PTK2: variants seen among roughly 807,000 people sequenced by gnomAD.
PTK2 encodes protein tyrosine kinase 2.
A neutral mutation model predicts 150.1 loss-of-function variants in PTK2; 45 were observed. That is an observed-to-expected ratio of 0.30 (90% CI 0.24 to 0.38). PTK2 has a LOEUF of 0.38. Among genes scored for constraint, PTK2 ranks in the 10% least tolerant of loss-of-function variants. The pLI is 1.00. For missense variants in PTK2, 919 were observed against 1,307.3 expected (o/e 0.70, Z 4.58); for synonymous variants, 432 against 449.2 (o/e 0.96, Z 0.48).
At chr8:140,697,854 T>G (rs2100027742) in intron 26 of PTK2, among the ~76,000 whole-genome samples, 4 of 9,362 alleles carry the variant, frequency 4.3e-4, no homozygotes, top group African/African-American at 1.1e-3. Flanking sequence ...GGTTTACTGT[T>G]TTTTTTTTTT....
chr8:140,675,472 C>G, exon 28 of PTK2: 1 of 1,612,506 alleles, frequency 6.2e-7, no homozygotes, highest in Non-Finnish European at 8.5e-7. Flanking sequence ...GGTTTACCCA[C>G]AGGCTGATAT....
intron 1 of PTK2, among the ~76,000 whole-genome samples, chr8:140,961,986 G>T (rs1452128520): frequency 6.6e-6 from 1 of 152,104 alleles, no homozygotes; most frequent in East Asian, 1.9e-4. Flanking sequence ...TGGTGTGGTG[G>T]CTCATGCCTG....
At chr8:140,755,481 T>G (rs2154529222) in intron 16 of PTK2, among the ~76,000 whole-genome samples, 1 of 152,322 alleles carries the variant, frequency 6.6e-6, no homozygotes, top group East Asian at 1.9e-4. Flanking sequence ...TCATGGCCTT[T>G]GCACTGGCTG....
intron 26 of PTK2, among the ~76,000 whole-genome samples, chr8:140,691,130 C>A (rs1442540022): frequency 1.3e-5 from 2 of 151,304 alleles, no homozygotes; most frequent in African/African-American, 2.4e-5. Context: ...GTATACAAAT[C>A]TTTGACTAAG....
intron 5 of PTK2, among the ~76,000 whole-genome samples, chr8:140,860,836 C>G (rs896963665): frequency 6.6e-6 from 1 of 152,166 alleles, no homozygotes; most frequent in African/African-American, 2.4e-5. Flanking sequence ...CCTTTAACTT[C>G]CTCCAATTAC....
At chr8:140,833,785 T>C (rs577351443) in intron 7 of PTK2, among the ~76,000 whole-genome samples, 10 of 152,326 alleles carry the variant, frequency 6.6e-5, no homozygotes, top group Admixed American at 6.5e-4. Flanking sequence ...TAAATGCATT[T>C]AAACTCATGT....
At chr8:140,659,414 G>A in exon 32 of PTK2, 1 of 1,503,368 alleles carries the variant, frequency 6.7e-7, no homozygotes, top group Non-Finnish European at 9.1e-7. Context: ...GCTGGTGGAA[G>A]GCTAGAGAAC....
intron 22 of PTK2, among the ~76,000 whole-genome samples, chr8:140,730,230 C>T (rs1329558599): frequency 6.6e-6 from 1 of 152,148 alleles, no homozygotes; most frequent in Non-Finnish European, 1.5e-5. Context: ...CTTACTATAT[C>T]CTCTCTACTT....
intron 10 of PTK2, among the ~76,000 whole-genome samples, chr8:140,815,574 A>T (rs992723273): frequency 2.7e-5 from 4 of 146,168 alleles, no homozygotes; most frequent in Admixed American, 6.7e-5. Context: ...AAGTTTTTTT[A>T]AAAAAAAATC....
At chr8:140,741,881 G>C (rs1312259121) in intron 20 of PTK2, among the ~76,000 whole-genome samples, 2 of 152,160 alleles carry the variant, frequency 1.3e-5, no homozygotes, top group African/African-American at 4.8e-5. Flanking sequence ...GTTCATGCCT[G>C]AAATCCCAGC....
At chr8:140,854,533 A>G (rs928317939) in intron 5 of PTK2, among the ~76,000 whole-genome samples, 25 of 152,234 alleles carry the variant, frequency 1.6e-4, no homozygotes, top group Admixed American at 1.3e-3. Context: ...CTCATGAGTC[A>G]TTAGCTTTAT....
At chr8:140,786,732 G>A (rs757658115) in intron 14 of PTK2, among the ~76,000 whole-genome samples, 3 of 152,022 alleles carry the variant, frequency 2.0e-5, no homozygotes, top group South Asian at 4.1e-4. Context: ...ACAGGACTCC[G>A]AACAATTAAT....
intron 5 of PTK2, 117 bp from the exon 6 acceptor site, chr8:140,846,795 C>A: frequency 1.6e-6 from 1 of 644,382 alleles, no homozygotes; most frequent in Non-Finnish European, 2.6e-6. Flanking sequence ...TCGGTAATTA[C>A]GCTTGATGTT....
At chr8:140,848,490 G>A (rs531104636) in intron 5 of PTK2, among the ~76,000 whole-genome samples, 50 of 152,156 alleles carry the variant, frequency 3.3e-4, no homozygotes, top group African/African-American at 1.2e-3. Flanking sequence ...TCAAACTGGA[G>A]GGTGGGTACA....
At chr8:140,758,299 G>C (rs1448300718) in intron 16 of PTK2, among the ~76,000 whole-genome samples, 2 of 152,106 alleles carry the variant, frequency 1.3e-5, no homozygotes, top group East Asian at 1.9e-4. Context: ...AAGTTGCCCA[G>C]GCTGGTATTG....
intron 7 of PTK2, among the ~76,000 whole-genome samples, chr8:140,841,537 T>C (rs1001176227): frequency 6.6e-6 from 1 of 152,138 alleles, no homozygotes; most frequent in African/African-American, 2.4e-5. Context: ...AGTTCTGGAA[T>C]GCCTTTTTAA....
chr8:140,954,459 T>C (rs920949693), intron 1 of PTK2, among the ~76,000 whole-genome samples: 6 of 152,342 alleles, frequency 3.9e-5, no homozygotes, highest in South Asian at 2.1e-4. Context: ...AAAGTTATTG[T>C]GAGGATTCAA....
At chr8:140,768,910 A>G (rs1308345521) in intron 14 of PTK2, among the ~76,000 whole-genome samples, 1 of 152,178 alleles carries the variant, frequency 6.6e-6, no homozygotes, top group African/African-American at 2.4e-5. Flanking sequence ...CTTCAGTAAA[A>G]GCATTCTTTC....
At chr8:140,988,728 C>CAAAAAAAAAAAAAAAAAAAA (rs71310814) in intron 1 of PTK2, among the ~76,000 whole-genome samples, 1 of 69,960 alleles carries the variant, frequency 1.4e-5, no homozygotes, top group Non-Finnish European at 2.6e-5. Context: ...GACTCCATCC[C>CAAAAAAAAAAAAAAAAAAAA]AAAAAAAAAA....
Sources: allele counts gnomAD v4.1 joint callset (sites outside exome capture counted in the v4.1 genomes callset), GRCh38; gene constraint gnomAD v4.1.1; transcripts MANE v1.5; gene names NCBI Gene and HGNC (gene_info 2026-07-23, HGNC 2026-07-21).